NYAP2: variants seen among roughly 807,000 people sequenced by gnomAD.
NYAP2 encodes neuronal tyrosine-phosphorylated phosphoinositide-3-kinase adaptor 2, also known as neuronal tyrosine-phosphorylated phosphoinositide-3-kinase adapter 2.
Under a neutral mutation model 50.4 loss-of-function variants are expected in NYAP2, and 23 were observed. The observed-to-expected ratio is 0.46, with a 90% CI of 0.33 to 0.65. NYAP2 has a LOEUF of 0.65. Among genes scored for constraint, NYAP2 ranks in the 30% least tolerant of loss-of-function variants. The pLI, the probability that NYAP2 is intolerant of heterozygous loss-of-function variation, is 0.02. For missense variants in NYAP2, 885 were observed against 861.0 expected (o/e 1.03, Z -0.35); for synonymous variants, 394 against 365.2 (o/e 1.08, Z -0.90).
chr2:225,650,604 C>A (rs1693713151), intron 6 of NYAP2, among the ~76,000 whole-genome samples: 2 of 152,180 alleles, frequency 1.3e-5, no homozygotes, highest in African/African-American at 4.8e-5. Flanking sequence ...AGGTGTAACT[C>A]CTCACAGAAG....
chr2:225,612,854 T>TGTGTGTGATGACATCACAC (rs1692923829), intron 5 of NYAP2, among the ~76,000 whole-genome samples: 1 of 37,776 alleles, frequency 2.6e-5, no homozygotes. Context: ...TGACATCACA[T>TGTGTGTGATGACATCACAC]CTGGGTCTAG....
chr2:225,523,834 G>A lies in NYAP2; in HGVS notation c.523+10162G>A, dbSNP rs561483491. 4.4e-3 allele frequency among the ~76,000 whole-genome samples: 663 copies of A among 152,244 alleles called. 6 individuals are homozygous for A. The highest frequency in any genetic ancestry group is 0.015 in the African/African-American group (636 of 41,558). ...CTGCAAGGATACTGCAACCAAAACA[G>A]CATGGTACTGGTATAAAAGTAAACA... On this transcript the variant is annotated intron_variant, in intron 4 of 6. Coordinates refer to ENST00000636099, the Ensembl canonical transcript of NYAP2.
chr2:225,592,274 T>C (rs1436175584), intron 5 of NYAP2, among the ~76,000 whole-genome samples: 3 of 152,138 alleles, frequency 2.0e-5, no homozygotes, highest in Non-Finnish European at 4.4e-5. Context: ...CCATAATAAC[T>C]ATGCAGTAGT....
chr2:225,570,023 C>G (rs956457899), intron 4 of NYAP2, among the ~76,000 whole-genome samples: 4 of 152,202 alleles, frequency 2.6e-5, no homozygotes, highest in African/African-American at 9.7e-5. Context: ...GCAGCACCAC[C>G]ACTGTTTCTG....
chr2:225,681,922 A>T, the NYAP2 span, among the ~76,000 whole-genome samples: 1 of 152,214 alleles, frequency 6.6e-6, no homozygotes, highest in Admixed American at 6.5e-5. Flanking sequence ...AGGTTAGCAT[A>T]TATAAGACAT....
chr2:225,421,522 A>G (rs1008544566), intron 3 of NYAP2, among the ~76,000 whole-genome samples: 10 of 152,234 alleles, frequency 6.6e-5, no homozygotes, highest in African/African-American at 1.9e-4. Flanking sequence ...ATCAGAGCAC[A>G]TGAAGACTCT....
intron 4 of NYAP2, among the ~76,000 whole-genome samples, chr2:225,522,548 T>C (rs1033048515): frequency 2.6e-5 from 4 of 152,126 alleles, no homozygotes; most frequent in African/African-American, 4.8e-5. Context: ...ACACAAAACC[T>C]CTTTTTAAGA....
intron 5 of NYAP2, among the ~76,000 whole-genome samples, chr2:225,597,738 C>G (rs1692630514): frequency 6.6e-6 from 1 of 150,718 alleles, no homozygotes; most frequent in South Asian, 2.1e-4. Flanking sequence ...CTTTGGGAGT[C>G]TTAATTTTTA....
At chr2:225,488,332 T>C (rs1399858036) in intron 3 of NYAP2, among the ~76,000 whole-genome samples, 2 of 152,212 alleles carry the variant, frequency 1.3e-5, no homozygotes, top group Non-Finnish European at 2.9e-5. Flanking sequence ...CTGCTCATTT[T>C]ATAAGCCAAT....
chr2:225,437,953 T>C (rs1325807844), intron 3 of NYAP2, among the ~76,000 whole-genome samples: 2 of 152,190 alleles, frequency 1.3e-5, no homozygotes, highest in East Asian at 3.9e-4. Context: ...CCAGTTACTC[T>C]GCCTAACAAT....
chr2:225,550,562 T>C (rs915019754), intron 4 of NYAP2, among the ~76,000 whole-genome samples: 3 of 152,162 alleles, frequency 2.0e-5, no homozygotes, highest in Non-Finnish European at 2.9e-5. Context: ...TTTGAGACAG[T>C]TGCCCATAAA....
intron 6 of NYAP2, among the ~76,000 whole-genome samples, chr2:225,635,862 T>C (rs1693405290): frequency 6.6e-6 from 1 of 152,184 alleles, no homozygotes; most frequent in African/African-American, 2.4e-5. Flanking sequence ...AAGCAATGAA[T>C]AGGATTTAAA....
chr2:225,413,012 C>T (rs998223555), intron 3 of NYAP2, among the ~76,000 whole-genome samples: 3 of 152,162 alleles, frequency 2.0e-5, no homozygotes, highest in African/African-American at 7.2e-5. Context: ...TATTTTATTA[C>T]TATCCTCACA....
At chr2:225,521,293 A>G (rs1230286878) in intron 4 of NYAP2, among the ~76,000 whole-genome samples, 2 of 151,890 alleles carry the variant, frequency 1.3e-5, no homozygotes, top group Non-Finnish European at 2.9e-5. Flanking sequence ...TGCCCTGGCC[A>G]GAACTTCCAA....
chr2:225,659,220 G>A, the NYAP2 span, among the ~76,000 whole-genome samples: 1 of 152,142 alleles, frequency 6.6e-6, no homozygotes, highest in Non-Finnish European at 1.5e-5. Context: ...TTCAGCATCC[G>A]AGGTCAGAGT....
chr2:225,621,011 G>A (rs1208956142), intron 5 of NYAP2, among the ~76,000 whole-genome samples: 5 of 151,968 alleles, frequency 3.3e-5, no homozygotes, highest in Non-Finnish European at 5.9e-5. Context: ...CTACTCGGGA[G>A]GCTGAGGCAG....
At chr2:225,512,845 C>CTT in intron 3 of NYAP2, among the ~76,000 whole-genome samples, 1 of 97,812 alleles carries the variant, frequency 1.0e-5, no homozygotes, top group Non-Finnish European at 1.9e-5. Context: ...CTCTTTCTTT[C>CTT]TTTCTTTCTT....
chr2:225,644,383 T>G (rs1401194301), intron 6 of NYAP2, among the ~76,000 whole-genome samples: 9 of 151,030 alleles, frequency 6.0e-5, no homozygotes, highest in African/African-American at 2.2e-4. Context: ...TTCTCCCATT[T>G]TGTAGGTTGC....
chr2:225,519,548 T>A (rs1448486436), intron 4 of NYAP2, among the ~76,000 whole-genome samples: 4 of 151,770 alleles, frequency 2.6e-5, no homozygotes, highest in African/African-American at 4.8e-5. Flanking sequence ...TGCGATAGTT[T>A]ACTGAGAATG....
Sources: allele counts gnomAD v4.1 joint callset (sites outside exome capture counted in the v4.1 genomes callset), GRCh38; gene constraint gnomAD v4.1.1; transcripts MANE v1.5; gene names NCBI Gene and HGNC (gene_info 2026-07-23, HGNC 2026-07-21).